The following ADAMTS2 variants were observed in gnomAD, a reference collection of about 807,000 sequenced individuals.
The protein encoded by ADAMTS2 is A disintegrin and metalloproteinase with thrombospondin motifs 2.
In ADAMTS2, 50 loss-of-function variants were observed where a neutral mutation model predicts 123.0. The observed-to-expected ratio is 0.41, with a 90% CI of 0.32 to 0.51. ADAMTS2 has a LOEUF of 0.51. Among genes scored for constraint, ADAMTS2 ranks in the 20% least tolerant of loss-of-function variants. The probability of loss-of-function intolerance (pLI) is 0.35; values close to 1 mark genes in which losing one functional copy is unlikely to be tolerated. For missense variants in ADAMTS2, 1,494 were observed against 1,705.2 expected (o/e 0.88, Z 2.18); for synonymous variants, 678 against 695.4 (o/e 0.98, Z 0.39).
chr5:179,124,826 C>T (rs1162166597), intron 19 of ADAMTS2, 147 bp downstream of exon 19: 6 of 1,598,914 alleles, frequency 3.8e-6, no homozygotes, highest in Non-Finnish European at 5.1e-6. Flanking sequence ...CCCGGCGGCT[C>T]TCAGGCCGGG....
intron 3 of ADAMTS2, among the ~76,000 whole-genome samples, chr5:179,226,068 G>A (rs889659592): frequency 2.0e-5 from 3 of 152,162 alleles, no homozygotes; most frequent in Admixed American, 6.5e-5. Flanking sequence ...GGTTTGAGCA[G>A]AGGGACACTG....
intron 2 of ADAMTS2, among the ~76,000 whole-genome samples, chr5:179,327,528 C>T (rs1757347390): frequency 6.6e-6 from 1 of 152,226 alleles, no homozygotes; most frequent in South Asian, 2.1e-4. Flanking sequence ...GAGAGAGCCT[C>T]CTTGACTGAA....
intron 5 of ADAMTS2, among the ~76,000 whole-genome samples, chr5:179,159,516 A>G (rs1222247648): frequency 6.6e-6 from 1 of 152,230 alleles, no homozygotes; most frequent in Non-Finnish European, 1.5e-5. Context: ...AAACAGCCAT[A>G]TCAAGAACAA....
chr5:179,296,803 G>A (rs1756352322), intron 2 of ADAMTS2, among the ~76,000 whole-genome samples: 2 of 152,046 alleles, frequency 1.3e-5, no homozygotes, highest in South Asian at 4.1e-4. Context: ...ATGCAAAGGT[G>A]CAGGCCGAAA....
At position 179,170,612 on chromosome 5, in the gene ADAMTS2, T is replaced by TC. The variant is rs1763796953; in HGVS notation, c.975+10459_975+10460insG. Among the ~76,000 whole-genome samples the TC allele has an allele frequency of 6.6e-6, 1 of 152,080 alleles. No individual in the cohort carries two copies. The highest frequency in any genetic ancestry group is 1.5e-5 in the Non-Finnish European group (1 of 67,978). On this transcript the variant is annotated intron_variant, in intron 5 of 21. Coordinates refer to ENST00000251582, the MANE Select transcript of ADAMTS2 (RefSeq NM_014244.5). The surrounding 1 kb of genome is among the most constrained non-coding windows in gnomAD (Gnocchi z 4.3). ...CTTCTCTGTGAGCAAAAGGGGTCTGTTCCCTTGGACACAGGAGCTAGGCCT... is the reference window on the plus strand; with the variant it reads ...CTTCTCTGTGAGCAAAAGGGGTCTGTCTCCCTTGGACACAGGAGCTAGGCCT...
intron 2 of ADAMTS2, among the ~76,000 whole-genome samples, chr5:179,301,119 G>T (rs1179551217): frequency 6.6e-6 from 1 of 151,130 alleles, no homozygotes; most frequent in African/African-American, 2.4e-5. Context: ...TCTGGGCAAA[G>T]GTTCTGGAGG....
chr5:179,232,469 G>T (rs1052746224), intron 3 of ADAMTS2, among the ~76,000 whole-genome samples: 2 of 152,146 alleles, frequency 1.3e-5, no homozygotes, highest in African/African-American at 4.8e-5. Flanking sequence ...CACACTGCTC[G>T]GAAGTGTCAG....
chr5:179,339,244 TC>T (rs762031907), intron 2 of ADAMTS2, among the ~76,000 whole-genome samples: 3 of 152,028 alleles, frequency 2.0e-5, no homozygotes, highest in Non-Finnish European at 4.4e-5. Context: ...CTCCAATCCC[TC>T]CCCCAACTCT....
intron 4 of ADAMTS2, among the ~76,000 whole-genome samples, chr5:179,199,064 C>A (rs1007102497): frequency 3.3e-5 from 5 of 152,154 alleles, no homozygotes; most frequent in African/African-American, 7.2e-5. Flanking sequence ...GGTGTTCCCT[C>A]AGGCTATGGG....
intron 5 of ADAMTS2, among the ~76,000 whole-genome samples, chr5:179,168,429 G>A (rs1189855637): frequency 1.3e-5 from 2 of 152,192 alleles, no homozygotes; most frequent in Non-Finnish European, 2.9e-5. Flanking sequence ...CCCCGGGCAG[G>A]CCGCTCGCCC....
Position 179,225,127 on chromosome 5 carries a change from C to T in ADAMTS2, c.689-17412G>A, listed in dbSNP as rs1765250382. 6.6e-6 allele frequency among the ~76,000 whole-genome samples: 1 copy of T among 152,180 alleles called. No individual in the cohort carries two copies. The highest frequency in any genetic ancestry group is 1.5e-5 in the Non-Finnish European group (1 of 68,028). ...GCCTGAGGAACACTCCCTGGTTATC[C>T]ACACGGCAACTAACACTCAGCACGC... On this transcript the variant is annotated intron_variant, in intron 3 of 21. Transcript: ENST00000251582. The surrounding 1 kb of genome is among the most constrained non-coding windows in gnomAD (Gnocchi z 4.5).
chr5:179,225,493 T>G lies in ADAMTS2; in HGVS notation c.689-17778A>C, dbSNP rs1374156492. Among the ~76,000 whole-genome samples, 2 of 152,098 alleles carry G rather than the reference T, an allele frequency of 1.3e-5. No homozygotes were observed. The highest frequency in any genetic ancestry group is 2.9e-5 in the Non-Finnish European group (2 of 68,008). The stretch of plus-strand genomic sequence containing the variant: ...TTCCCAAGACCACCCTGGTCCACCA[T>G]GTCCCCATCCTGTGCCTATAAAAAC... On this transcript the variant is annotated intron_variant, in intron 3 of 21. Transcript: ENST00000251582. The surrounding 1 kb of genome is among the most constrained non-coding windows in gnomAD (Gnocchi z 4.5).
chr5:179,329,306 A>T (rs375544496), intron 2 of ADAMTS2, among the ~76,000 whole-genome samples: 5 of 150,272 alleles, frequency 3.3e-5, no homozygotes, highest in African/African-American at 9.8e-5. Context: ...CAGCCTGGGC[A>T]ACAGAGTGAG....
chr5:179,217,800 G>GCACACTCTCTAGGGGATGGTGTGAGGGT lies in ADAMTS2; in HGVS notation c.689-10086_689-10085insACCCTCACACCATCCCCTAGAGAGTGTG, dbSNP rs1561811212. On this transcript the variant is annotated intron_variant, in intron 3 of 21. Coordinates refer to ENST00000251582, the MANE Select transcript of ADAMTS2 (RefSeq NM_014244.5). ...ACTCACTAGGGGATGGCGCAAGGGG[G>GCACACTCTCTAGGGGATGGTGTGAGGGT]GGATGGGCACACTCACTAGGGGATG... Among the ~76,000 whole-genome samples the GCACACTCTCTAGGGGATGGTGTGAGGGT allele has an allele frequency of 4.7e-4, 30 of 64,344 alleles. 2 individuals carry two copies. The highest frequency in any genetic ancestry group is 1.1e-3 in the South Asian group (2 of 1,748). The allele number at this position is 64,344 out of a possible 152,430, so 42.2% of individuals were successfully genotyped here.
At chr5:179,288,201 C>A (rs1756083409) in intron 2 of ADAMTS2, among the ~76,000 whole-genome samples, 1 of 152,230 alleles carries the variant, frequency 6.6e-6, no homozygotes, top group South Asian at 2.1e-4. Context: ...CTGCCTCACT[C>A]CTGCTTCCTT....
At chr5:179,145,553 A>G (rs1763237164) in intron 10 of ADAMTS2, among the ~76,000 whole-genome samples, 1 of 152,234 alleles carries the variant, frequency 6.6e-6, no homozygotes, top group Admixed American at 6.5e-5. Context: ...GCTGCACACT[A>G]CAACAGGGAT....
At position 179,158,857 on chromosome 5, in the gene ADAMTS2, C is replaced by T. The variant is rs1380263819; in HGVS notation, c.998G>A (p.Gly333Glu). 5 of 1,614,126 alleles carry T rather than the reference C, an allele frequency of 3.1e-6. No individual in the cohort carries two copies. The highest frequency in any genetic ancestry group is 4.2e-6 in the Non-Finnish European group (5 of 1,180,042). ...ATTCTCCAGGCTCTGAGAGGGGTTCCCGATCTCGATGAGGCTCATGGACTG... is the reference window on the plus strand; with the variant it reads ...ATTCTCCAGGCTCTGAGAGGGGTTCTCGATCTCGATGAGGCTCATGGACTG... ...YGKSMSLIEI[G>E]NPSQSLENVC... Residue 333 changes from glycine (G) to glutamate (E), a missense_variant, in exon 6 of 22, where the codon GGG (glycine) becomes GAG (glutamate). Transcript: ENST00000251582. This position sits in a 1 kb window ranked among gnomAD's most constrained non-coding sequence, Gnocchi z 5.0.
In ADAMTS2 at chr5:179,111,016, G is replaced by A. The variant is rs953450607; in HGVS notation, c.*2851C>T. 3 of 152,200 alleles carry A rather than the reference G, an allele frequency of 2.0e-5. No individual in the cohort carries two copies. Among genetic ancestry groups the A allele is most frequent in the African/African-American group, 4.8e-5 (2 of 41,440 alleles). The allele number at this position is 152,200 out of a possible 1,614,324, so 9.4% of individuals were successfully genotyped here. On this transcript the variant is annotated 3_prime_UTR_variant, in exon 22 of 22. Transcript: ENST00000251582. ...CAGTATAGTGGCTACCTGTCATACA[G>A]GAGGGAGTGGAATCATAAACTGCTT...
rs563388722 is a variant in ADAMTS2, at chr5:179,225,660, C to A, written c.689-17945G>T. On this transcript the variant is annotated intron_variant, in intron 3 of 21. Transcript: ENST00000251582. The surrounding 1 kb of genome is among the most constrained non-coding windows in gnomAD (Gnocchi z 4.5). ...AGGCCACCGACCGGCAGAAGCAGAA[C>A]GACACGGAGTTTGGCCGGGGCAGTC... is the stretch of plus-strand genomic sequence containing the variant. Among the ~76,000 whole-genome samples, 1 of 152,176 alleles carries A rather than the reference C, an allele frequency of 6.6e-6. No individual in the cohort carries two copies. The highest frequency in any genetic ancestry group is 6.5e-5 in the Admixed American group (1 of 15,276).
Sources: allele counts gnomAD v4.1 joint callset (sites outside exome capture counted in the v4.1 genomes callset), GRCh38; gene constraint gnomAD v4.1.1; non-coding constraint Gnocchi (gnomAD v3.1); transcripts MANE v1.5; gene names NCBI Gene and HGNC (gene_info 2026-07-23, HGNC 2026-07-21).